The following RAB17 variants were observed in gnomAD, a reference collection of about 807,000 sequenced individuals.
The protein encoded by RAB17 is RAB17, member RAS oncogene family, also known as ras-related protein Rab-17.
Under a neutral mutation model 19.3 loss-of-function variants are expected in RAB17, and 15 were observed. The ratio of observed to expected loss-of-function variants is 0.78; its 90% confidence interval spans 0.52 to 1.20. The LOEUF is 1.20. Among genes scored for constraint, RAB17 ranks in the 50% most tolerant of loss-of-function variants. RAB17 has a pLI of 0.00. For synonymous variants in RAB17, 110 were observed against 112.8 expected (o/e 0.97, Z 0.16); for missense variants, 262 against 269.3 (o/e 0.97, Z 0.19).
chr2:237,577,176 T>C, intron 4 of RAB17, 81 bp downstream of exon 4: 4 of 1,520,846 alleles, frequency 2.6e-6, no homozygotes, highest in Non-Finnish European at 3.5e-6. Flanking sequence ...TGTATGAAAG[T>C]GTGAGTGCCA....
intron 2 of RAB17, chr2:237,585,588 G>C (rs1302989986): frequency 5.9e-6 from 1 of 169,084 alleles, no homozygotes; most frequent in Non-Finnish European, 1.4e-5. Flanking sequence ...TAAAGCAAGG[G>C]AGCAGTGTTA....
intron 2 of RAB17, 78 bp from the exon 3 acceptor site, chr2:237,578,233 G>T: frequency 4.9e-6 from 7 of 1,437,218 alleles, no homozygotes; most frequent in South Asian, 1.4e-5. Flanking sequence ...ACGGCAAGCC[G>T]CAGGCACAGC....
chr2:237,578,941 A>ACACAC (rs1491428679), intron 2 of RAB17: 12 of 148,414 alleles, frequency 8.1e-5, no homozygotes, highest in East Asian at 2.0e-4. Flanking sequence ...ACACACACAC[A>ACACAC]ACTACTCCCA....
rs1483345248 is a variant in RAB17, at chr2:237,578,090, C to T, written c.223G>A (p.Ala75Thr). ...ACGCTGTGGTACTTCTCCTGGCCAG[C>T]TGTGTCCCAGATCTCAAGCTTCAGA... is the stretch of plus-strand genomic sequence containing the variant. ...TSLKLEIWDT[A>T]GQEKYHSVCH... is the part of the protein sequence containing the mutation. Residue 75 changes from alanine to threonine, a missense_variant, in exon 3 of 6, where the codon GCT becomes ACT. Transcript: ENST00000264601. 1.2e-6 allele frequency: 2 copies of T among 1,613,942 alleles called. No individual in the cohort carries two copies. The highest frequency in any genetic ancestry group is 1.1e-5 in the South Asian group (1 of 91,074).
intron 2 of RAB17, among the ~76,000 whole-genome samples, chr2:237,581,813 T>C (rs1404120851): frequency 1.3e-5 from 2 of 152,192 alleles, no homozygotes; most frequent in East Asian, 3.9e-4. Context: ...TTTGTCACCG[T>C]CCCCTTCCTG....
intron 2 of RAB17, among the ~76,000 whole-genome samples, chr2:237,580,833 G>A (rs2081303041): frequency 6.6e-6 from 1 of 152,164 alleles, no homozygotes; most frequent in Non-Finnish European, 1.5e-5. Flanking sequence ...AATTTCCAAG[G>A]AGGGCATGGG....
At chr2:237,583,521 C>G (rs1431063356) in intron 2 of RAB17, among the ~76,000 whole-genome samples, 2 of 152,218 alleles carry the variant, frequency 1.3e-5, no homozygotes, top group East Asian at 1.9e-4. Flanking sequence ...AACCCCGCAA[C>G]CCGGCACAGC....
At position 237,585,852 on chromosome 2, in the gene RAB17, CT is replaced by C. The variant is rs142597014; in HGVS notation, c.157+145del. On this transcript the variant is annotated intron_variant, in intron 2 of 5. Coordinates refer to ENST00000264601, the MANE Select transcript of RAB17 (RefSeq NM_022449.4). Reference sequence around the variant, plus strand: ...TGGCTGCCCTCTTGGACCTCACCCCCTCCCCTCACGCACTGGACACAGGCAG... The same window carrying C: ...TGGCTGCCCTCTTGGACCTCACCCCCCCCCTCACGCACTGGACACAGGCAG... 6.7e-4 allele frequency: 519 copies of C among 771,098 alleles called. No individual in the cohort carries two copies. The African/African-American group carries it at 8.5e-3, about 13-fold the overall frequency. The allele number at this position is 771,098 out of a possible 1,614,324, so 47.8% of individuals were successfully genotyped here. A position where few individuals can be genotyped will look rare whatever the true frequency, so the allele number is the denominator to read the frequency against.
At chr2:237,583,542 C>G (rs191964037) in intron 2 of RAB17, among the ~76,000 whole-genome samples, 16 of 152,320 alleles carry the variant, frequency 1.1e-4, no homozygotes, top group Non-Finnish European at 2.1e-4. Context: ...TGCCCACACA[C>G]AGAGGTGCTC....
In RAB17 at chr2:237,577,172, A is replaced by G. The variant is rs556325863; in HGVS notation, c.435+85T>C. On this transcript the variant is annotated intron_variant, in intron 4 of 5. Coordinates refer to ENST00000264601, the MANE Select transcript of RAB17 (RefSeq NM_022449.4). ...GTGCGTGTGTGGGTGTGCGTGTATG[A>G]AAGTGTGAGTGCCAAGGTCTTGACA... 1.7e-4 allele frequency: 253 copies of G among 1,513,942 alleles called. 5 individuals carry two copies. In the South Asian group the frequency reaches 3.1e-3, roughly 19 times the overall value. 93.8% of individuals were successfully genotyped at this position (1,513,942 alleles called of 1,614,324 possible).
chr2:237,578,762 G>A (rs966884200), intron 2 of RAB17: 80 of 152,714 alleles, frequency 5.2e-4, no homozygotes, highest in Non-Finnish European at 1.0e-3. Context: ...CGGCAACCCC[G>A]GAAGGGCTGC....
At chr2:237,579,688 T>A (rs1177136033) in intron 2 of RAB17, 1 of 151,502 alleles carries the variant, frequency 6.6e-6, no homozygotes, top group African/African-American at 2.4e-5. Context: ...TAGGACTTAA[T>A]CGCCTCTTTA....
intron 2 of RAB17, among the ~76,000 whole-genome samples, chr2:237,583,269 C>G (rs747296638): frequency 1.0e-3 from 153 of 152,110 alleles, no homozygotes; most frequent in Non-Finnish European, 1.2e-3. Flanking sequence ...GCCCAGGAGG[C>G]AGAGGTTCCA....
intron 2 of RAB17, among the ~76,000 whole-genome samples, chr2:237,583,866 A>C (rs2081327709): frequency 6.6e-6 from 1 of 151,934 alleles, no homozygotes; most frequent in African/African-American, 2.4e-5. Flanking sequence ...CGGCAGGGGG[A>C]TGGCCCCTGC....
intron 4 of RAB17, chr2:237,575,751 G>A (rs2081257595): frequency 6.4e-6 from 3 of 472,020 alleles, no homozygotes; most frequent in South Asian, 6.1e-5. Context: ...CCCACCCCCA[G>A]GTTCCCCTCC....
chr2:237,576,727 G>A, intron 4 of RAB17: 1 of 471,216 alleles, frequency 2.1e-6, no homozygotes, highest in South Asian at 1.5e-5. Flanking sequence ...CCGTGGAAGA[G>A]AAACAACAGC....
Position 237,586,094 on chromosome 2 carries a change from T to C in RAB17, c.61A>G (p.Lys21Glu). 6.2e-7 allele frequency: 1 copy of C among 1,613,420 alleles called. No homozygotes were observed. Reference sequence around the variant, plus strand: ...GAGCCACTTCCCAGGAGAACCAGCTTGAACACACGGGGCTGGCTGGGGGCA... The same window carrying C: ...GAGCCACTTCCCAGGAGAACCAGCTCGAACACACGGGGCTGGCTGGGGGCA... ...RAAPSQPRVF[K>E]LVLLGSGSVG... The change falls in exon 2 of 6, where the codon AAG (lysine) becomes GAG (glutamate). Residue 21 changes from lysine to glutamate, a missense_variant. Transcript: ENST00000264601.
rs893507469 is a variant in RAB17, at chr2:237,576,593, T to A, written c.435+664A>T. ...TCTCTTTGGGAGGCGCGCCCGTCGG[T>A]CTAAGCCCTGAGTTGGGTCTTCCCC... On this transcript the variant is annotated intron_variant, in intron 4 of 5. Coordinates refer to ENST00000264601, the MANE Select transcript of RAB17 (RefSeq NM_022449.4). 5.7e-5 allele frequency: 27 copies of A among 471,128 alleles called. No homozygotes were observed. The Middle Eastern group carries it at 1.6e-3, about 28-fold the overall frequency. The allele number at this position is 471,128 out of a possible 1,614,324, so 29.2% of individuals were successfully genotyped here.
intron 3 of RAB17, 131 bp from the exon 4 acceptor site, chr2:237,577,513 C>A: frequency 9.4e-7 from 1 of 1,064,302 alleles, no homozygotes; most frequent in East Asian, 2.6e-5. Context: ...CATGGGCGCA[C>A]CTGCAGGGCT....
Sources: gnomAD v4.1 joint callset for allele counts (sites outside exome capture counted in the v4.1 genomes callset) on GRCh38, gnomAD v4.1.1 for gene constraint, MANE v1.5 for transcripts, NCBI Gene and HGNC (gene_info 2026-07-23, HGNC 2026-07-21) for gene names.